The following NRXN3 variants were observed in gnomAD, a reference collection of about 807,000 sequenced individuals.
NRXN3 encodes the protein neurexin III.
Under a neutral mutation model 137.6 loss-of-function variants are expected in NRXN3, and 32 were observed. The ratio of observed to expected loss-of-function variants is 0.23; its 90% CI spans 0.18 to 0.31. The LOEUF is 0.31. Ranked by LOEUF, NRXN3 falls within the 10% of genes least tolerant of loss-of-function variation. NRXN3 has a pLI of 1.00. For synonymous variants in NRXN3, 798 were observed against 784.5 expected (o/e 1.02, Z -0.29); for missense variants, 1,574 against 2,062.5 (o/e 0.76, Z 4.59).
chr14:79,429,104 T>C (rs1029774874), intron 15 of NRXN3, among the ~76,000 whole-genome samples: 7 of 152,154 alleles, frequency 4.6e-5, no homozygotes, highest in African/African-American at 7.2e-5. Flanking sequence ...AGACGCAACC[T>C]AGTTAGAGGT....
At chr14:78,770,814 G>A (rs2152997094) in intron 8 of NRXN3, among the ~76,000 whole-genome samples, 1 of 152,254 alleles carries the variant, frequency 6.6e-6, no homozygotes, top group African/African-American at 2.4e-5. Flanking sequence ...GATTAACTGG[G>A]GAGGGAATGT....
chr14:78,530,679 C>A (rs1260669997), intron 4 of NRXN3, among the ~76,000 whole-genome samples: 3 of 152,160 alleles, frequency 2.0e-5, no homozygotes, highest in Admixed American at 6.5e-5. Flanking sequence ...CTGGGTCATA[C>A]TATTGCCAGG....
intron 17 of NRXN3, among the ~76,000 whole-genome samples, chr14:79,674,760 T>C (rs1416669241): frequency 2.0e-5 from 3 of 152,114 alleles, no homozygotes; most frequent in Non-Finnish European, 2.9e-5. Flanking sequence ...GAAATGTGCT[T>C]CTGCCTGATG....
At chr14:79,628,075 G>A (rs543607030) in intron 16 of NRXN3, among the ~76,000 whole-genome samples, 13 of 152,098 alleles carry the variant, frequency 8.5e-5, no homozygotes, top group South Asian at 2.1e-4. Context: ...CTGAGATTCC[G>A]TTGACATAAA....
intron 15 of NRXN3, among the ~76,000 whole-genome samples, chr14:79,031,682 G>A (rs761658461): frequency 2.0e-5 from 3 of 147,872 alleles, no homozygotes; most frequent in Non-Finnish European, 4.5e-5. Flanking sequence ...TTTATATTGT[G>A]TATCCAAAAT....
intron 20 of NRXN3, among the ~76,000 whole-genome samples, chr14:79,848,832 T>C (rs2099385984): frequency 6.6e-6 from 1 of 152,126 alleles, no homozygotes; most frequent in African/African-American, 2.4e-5. Flanking sequence ...TAATTTTCAG[T>C]TTAAGCCTCC....
At position 79,536,912 on chromosome 14, in the gene NRXN3, A is replaced by G. The variant is rs151018714; in HGVS notation, c.3444+69510A>G. ...CTTTGCTGTTGTGAATAGTGCTCCA[A>G]TGAACATATGTGTGCATGTATCCTT... On this transcript the variant is annotated intron_variant, in intron 16 of 20. Transcript: ENST00000335750. Among the ~76,000 whole-genome samples the G allele has an allele frequency of 1.4e-4, 21 of 152,276 alleles. 1 individual carries two copies. The East Asian group carries it at 2.9e-3, about 21-fold the overall frequency.
At chr14:79,013,098 CTT>C (rs1418791561) in intron 15 of NRXN3, among the ~76,000 whole-genome samples, 1 of 152,080 alleles carries the variant, frequency 6.6e-6, no homozygotes. Flanking sequence ...AGCTATGGGA[CTT>C]TTCAGCTTTG....
In NRXN3 at chr14:79,860,811, A is replaced by G. The variant is rs546185457; in HGVS notation, c.4094-531A>G. ...ATAGTTGAATTTTATCTAAATAATT[A>G]CTTGAGAGTATCTTTAAAAAATCTA... On this transcript the variant is annotated intron_variant, in intron 20 of 20. Coordinates refer to ENST00000335750, the MANE Select transcript of NRXN3 (RefSeq NM_001330195.2). Among the ~76,000 whole-genome samples the G allele has an allele frequency of 8.5e-5, 13 of 152,338 alleles. No homozygotes were observed. The South Asian group carries it at 2.7e-3, about 32-fold the overall frequency.
chr14:79,486,049 A>T (rs915182774), intron 16 of NRXN3, among the ~76,000 whole-genome samples: 2 of 152,016 alleles, frequency 1.3e-5, no homozygotes, highest in African/African-American at 4.8e-5. Context: ...ATATTATCAG[A>T]CCTGTCTTTG....
chr14:78,326,489 G>T (rs952670980), intron 4 of NRXN3, among the ~76,000 whole-genome samples: 11 of 152,204 alleles, frequency 7.2e-5, no homozygotes, highest in African/African-American at 2.7e-4. Flanking sequence ...GGACCAGAAA[G>T]GTGACAGGTT....
At chr14:79,774,518 G>T (rs1647119522) in intron 19 of NRXN3, among the ~76,000 whole-genome samples, 1 of 152,146 alleles carries the variant, frequency 6.6e-6, no homozygotes, top group Admixed American at 6.6e-5. Flanking sequence ...GAAGAACAAT[G>T]ATTAAACTAT....
chr14:78,912,865 G>A (rs1446309442), intron 10 of NRXN3, among the ~76,000 whole-genome samples: 2 of 151,948 alleles, frequency 1.3e-5, no homozygotes, highest in Non-Finnish European at 2.9e-5. Context: ...TTTGTTTTTT[G>A]AATTAAAGGG....
intron 8 of NRXN3, among the ~76,000 whole-genome samples, chr14:78,755,197 T>C (rs1185782389): frequency 6.6e-6 from 1 of 151,704 alleles, no homozygotes; most frequent in African/African-American, 2.4e-5. Context: ...TGTATTTTTT[T>C]TTTTTTTTTT....
intron 4 of NRXN3, among the ~76,000 whole-genome samples, chr14:78,480,602 A>AT (rs1057149808): frequency 3.3e-5 from 5 of 152,062 alleles, no homozygotes; most frequent in African/African-American, 4.8e-5. Context: ...TATATTTACT[A>AT]TTTTTTTCAC....
chr14:79,812,126 T>TA (rs955242475), intron 20 of NRXN3, among the ~76,000 whole-genome samples: 1 of 151,960 alleles, frequency 6.6e-6, no homozygotes, highest in African/African-American at 2.4e-5. Flanking sequence ...TATTTAATAA[T>TA]AAAAAAATGA....
At chr14:79,293,900 A>G (rs945954320) in intron 15 of NRXN3, among the ~76,000 whole-genome samples, 2 of 152,240 alleles carry the variant, frequency 1.3e-5, no homozygotes, top group African/African-American at 4.8e-5. Context: ...GTGAAAAGAA[A>G]GAGGAAAGAG....
intron 10 of NRXN3, among the ~76,000 whole-genome samples, chr14:78,905,476 TCTAA>T (rs1250431680): frequency 6.6e-6 from 1 of 151,268 alleles, no homozygotes; most frequent in Admixed American, 6.6e-5. Context: ...TGAATAAAAG[TCTAA>T]CTGTTTGATC....
At chr14:79,449,227 A>T (rs1391313040) in intron 15 of NRXN3, among the ~76,000 whole-genome samples, 1 of 152,140 alleles carries the variant, frequency 6.6e-6, no homozygotes, top group Non-Finnish European at 1.5e-5. Context: ...TTAAATAGCC[A>T]CTATACTTGT....
Sources: allele counts gnomAD v4.1 joint callset (sites outside exome capture counted in the v4.1 genomes callset), GRCh38; gene constraint gnomAD v4.1.1; transcripts MANE v1.5; gene names NCBI Gene and HGNC (gene_info 2026-07-23, HGNC 2026-07-21).